Variants in MEGF11 observed in about 807,000 individuals in gnomAD.
The protein encoded by MEGF11 is multiple epidermal growth factor-like domains protein 11.
In MEGF11, 126 loss-of-function variants were observed where a neutral mutation model predicts 146.6. The observed-to-expected ratio is 0.86, with a 90% CI of 0.74 to 1.00. The LOEUF is 1.00. MEGF11 is among the 50% of genes least tolerant of loss of function. The probability of loss-of-function intolerance (pLI) is 0.00; values close to 1 mark genes in which losing one functional copy is unlikely to be tolerated. For synonymous variants in MEGF11, 532 were observed against 583.4 expected, an observed-to-expected ratio of 0.91 and a Z score of 1.27; for missense variants, 1,509 against 1,521.2, an observed-to-expected ratio of 0.99 and a Z score of 0.13.
At chr15:65,922,688 G>A in intron 14 of MEGF11, 135 bp downstream of exon 14, 2 of 1,275,976 alleles carry the variant, frequency 1.6e-6, no homozygotes, top group Non-Finnish European at 2.1e-6. Context: ...ACTGCAGAGG[G>A]AGAGACTAGA....
chr15:66,086,269 TTG>T (rs928366401), intron 5 of MEGF11, among the ~76,000 whole-genome samples: 1 of 152,218 alleles, frequency 6.6e-6, no homozygotes, highest in Non-Finnish European at 1.5e-5. Flanking sequence ...TTCCCTGGCC[TTG>T]TGAGAGACCT....
intron 5 of MEGF11, among the ~76,000 whole-genome samples, chr15:66,066,995 C>T (rs1344907755): frequency 6.6e-6 from 1 of 152,218 alleles, no homozygotes; most frequent in African/African-American, 2.4e-5. Context: ...CTGCGCCCAG[C>T]TGCACCACCT....
intron 5 of MEGF11, among the ~76,000 whole-genome samples, chr15:66,061,007 G>C (rs1006500809): frequency 1.3e-5 from 2 of 152,234 alleles, no homozygotes; most frequent in Non-Finnish European, 2.9e-5. Flanking sequence ...GGACTGGAGG[G>C]GCAGGGATTC....
intron 5 of MEGF11, among the ~76,000 whole-genome samples, chr15:66,043,577 G>A (rs879667348): frequency 6.6e-6 from 1 of 152,250 alleles, no homozygotes; most frequent in Non-Finnish European, 1.5e-5. Context: ...CAGAGTCCCA[G>A]ATGACCACAA....
chr15:65,911,093 A>G (rs2078790132), intron 21 of MEGF11, among the ~76,000 whole-genome samples: 3 of 152,192 alleles, frequency 2.0e-5, no homozygotes. Context: ...TGTTGACTAT[A>G]AGAGGACATC....
chr15:66,085,289 C>T (rs2086060891), intron 5 of MEGF11, among the ~76,000 whole-genome samples: 1 of 152,166 alleles, frequency 6.6e-6, no homozygotes, highest in Admixed American at 6.5e-5. Flanking sequence ...AGTTCTACAG[C>T]CCCACCCACT....
chr15:66,193,296 G>T (rs2090928272), intron 1 of MEGF11, among the ~76,000 whole-genome samples: 1 of 152,100 alleles, frequency 6.6e-6, no homozygotes, highest in Non-Finnish European at 1.5e-5. Context: ...TCATATAGCT[G>T]CTCAGTGACT....
intron 1 of MEGF11, among the ~76,000 whole-genome samples, chr15:66,244,398 G>C (rs952181022): frequency 6.6e-6 from 1 of 152,164 alleles, no homozygotes; most frequent in Non-Finnish European, 1.5e-5. Flanking sequence ...CTAGAATCTA[G>C]AGGTTCCTGA....
At chr15:66,226,878 G>C (rs2140183606) in intron 1 of MEGF11, among the ~76,000 whole-genome samples, 1 of 152,220 alleles carries the variant, frequency 6.6e-6, no homozygotes, top group Middle Eastern at 3.4e-3. Flanking sequence ...CCCAGAGGCA[G>C]CCCTGCAGCC....
chr15:66,234,301 G>A (rs2092041400), intron 1 of MEGF11, among the ~76,000 whole-genome samples: 1 of 152,256 alleles, frequency 6.6e-6, no homozygotes, highest in Non-Finnish European at 1.5e-5. Flanking sequence ...GGAACAGCCA[G>A]AGAGGCGGAA....
At chr15:66,208,835 C>A (rs1411347880) in intron 1 of MEGF11, among the ~76,000 whole-genome samples, 1 of 151,934 alleles carries the variant, frequency 6.6e-6, no homozygotes, top group Admixed American at 6.6e-5. Context: ...CAATATCATG[C>A]CATTGCGCTC....
intron 1 of MEGF11, among the ~76,000 whole-genome samples, chr15:66,197,033 T>C (rs1316161837): frequency 2.0e-5 from 3 of 152,238 alleles, no homozygotes; most frequent in Non-Finnish European, 2.9e-5. Context: ...ATAAACTATG[T>C]AACTATCTGA....
At chr15:65,920,615 A>G (rs572211453) in intron 15 of MEGF11, among the ~76,000 whole-genome samples, 2 of 152,388 alleles carry the variant, frequency 1.3e-5, no homozygotes, top group Non-Finnish European at 2.9e-5. Flanking sequence ...TCTTAGCTGA[A>G]TCAAGAGTAA....
chr15:66,145,461 C>T (rs2089334340), intron 1 of MEGF11, among the ~76,000 whole-genome samples: 1 of 152,152 alleles, frequency 6.6e-6, no homozygotes, highest in African/African-American at 2.4e-5. Flanking sequence ...TAATAATTAG[C>T]TATAGCCAGG....
chr15:66,229,648 A>T (rs1188681270), intron 1 of MEGF11, among the ~76,000 whole-genome samples: 1 of 152,052 alleles, frequency 6.6e-6, no homozygotes, highest in Admixed American at 6.5e-5. Context: ...GAGGCTGCAT[A>T]CTCTGAATCT....
intron 13 of MEGF11, among the ~76,000 whole-genome samples, chr15:65,927,785 AGAGT>A (rs1161218658): frequency 1.3e-5 from 2 of 152,224 alleles, no homozygotes; most frequent in Non-Finnish European, 2.9e-5. Flanking sequence ...CAAAGTGAAC[AGAGT>A]GAGGTGGAGT....
At chr15:66,159,797 G>A (rs2089887627) in intron 1 of MEGF11, among the ~76,000 whole-genome samples, 1 of 152,110 alleles carries the variant, frequency 6.6e-6, no homozygotes, top group Non-Finnish European at 1.5e-5. Context: ...AGGATGGCCA[G>A]GACCTCACAC....
intron 5 of MEGF11, among the ~76,000 whole-genome samples, chr15:66,019,047 C>G (rs1449164520): frequency 6.6e-6 from 1 of 152,216 alleles, no homozygotes; most frequent in Admixed American, 6.5e-5. Context: ...CGACTCCAGG[C>G]CTGTGGGACT....
At chr15:65,956,408 C>A (rs749847343) in intron 10 of MEGF11, among the ~76,000 whole-genome samples, 2 of 152,220 alleles carry the variant, frequency 1.3e-5, no homozygotes, top group Non-Finnish European at 2.9e-5. Flanking sequence ...CTCTATATAT[C>A]CCATCTTGAC....
Sources: allele counts gnomAD v4.1 joint callset (sites outside exome capture counted in the v4.1 genomes callset), GRCh38; gene constraint gnomAD v4.1.1; transcripts MANE v1.5; gene names NCBI Gene and HGNC (gene_info 2026-07-23, HGNC 2026-07-21).